Variants in SH3BGRL observed in about 807,000 individuals in gnomAD.
SH3BGRL encodes adapter SH3BGRL.
Under a neutral mutation model 9.8 loss-of-function variants are expected in SH3BGRL, and 7 were observed. The ratio of observed to expected loss-of-function variants is 0.72; its 90% CI spans 0.41 to 1.35. The LOEUF (loss-of-function observed/expected upper bound fraction) is 1.35. Ranked by LOEUF, SH3BGRL falls within the 40% of genes most tolerant of loss-of-function variation. The pLI is 0.01. For synonymous variants in SH3BGRL, 36 were observed against 29.1 expected, an observed-to-expected ratio of 1.24 and a Z score of -0.76; for missense variants, 73 against 84.4, an observed-to-expected ratio of 0.86 and a Z score of 0.53.
rs868419257 is a variant in SH3BGRL at position 81,213,609 on chromosome X, A to T, written c.45+11364A>T. Among the ~76,000 whole-genome samples the T allele has an allele frequency of 2.5e-3, 275 of 110,787 alleles. 1 individual carries two copies. The highest frequency in any genetic ancestry group is 8.6e-3 in the African/African-American group (261 of 30,487). On this transcript the variant is annotated intron_variant, in intron 1 of 3. Transcript: ENST00000373212. ...GTATATTGTTACAGTTTTTTTTTTAACTTTCCTCCTCATTTATTAATGGAC... is the reference window on the plus strand; with the variant it reads ...GTATATTGTTACAGTTTTTTTTTTATCTTTCCTCCTCATTTATTAATGGAC...
intron 3 of SH3BGRL, among the ~76,000 whole-genome samples, chrX:81,296,748 T>G (rs1291722975): frequency 8.9e-6 from 1 of 111,922 alleles, no homozygotes; most frequent in African/African-American, 3.2e-5. Flanking sequence ...ACCTGATTTT[T>G]TGGTGTGTAT....
chrX:81,221,571 C>T (rs1418988920), intron 1 of SH3BGRL, among the ~76,000 whole-genome samples: 1 of 111,786 alleles, frequency 8.9e-6, no homozygotes, highest in Non-Finnish European at 1.9e-5. Context: ...TTGTAACAAT[C>T]CCTACTGCAA....
intron 1 of SH3BGRL, among the ~76,000 whole-genome samples, chrX:81,225,428 A>G (rs1256223986): frequency 9.0e-6 from 1 of 110,761 alleles, no homozygotes; most frequent in African/African-American, 3.3e-5. Flanking sequence ...CACCTTTAAT[A>G]GTCTCCATTG....
chrX:81,292,804 C>T (rs1187270604), intron 3 of SH3BGRL, among the ~76,000 whole-genome samples: 1 of 111,689 alleles, frequency 9.0e-6, no homozygotes, highest in Admixed American at 9.5e-5. Flanking sequence ...ATTTCTTCCA[C>T]CAGAGACCCT....
At chrX:81,203,044 CT>C (rs1300707809) in intron 1 of SH3BGRL, among the ~76,000 whole-genome samples, 1 of 111,899 alleles carries the variant, frequency 8.9e-6, no homozygotes, top group Non-Finnish European at 1.9e-5. Context: ...AGGACTTTCT[CT>C]TTCATGGATT....
intron 3 of SH3BGRL, among the ~76,000 whole-genome samples, chrX:81,285,273 A>G (rs1229669279): frequency 1.8e-5 from 2 of 111,922 alleles, no homozygotes; most frequent in Non-Finnish European, 3.8e-5. Context: ...TAAAAGTTAT[A>G]TGATAAAATG....
intron 1 of SH3BGRL, among the ~76,000 whole-genome samples, chrX:81,208,117 C>T (rs949980777): frequency 3.6e-5 from 4 of 110,557 alleles, no homozygotes; most frequent in South Asian, 3.9e-4. Context: ...AAAAAAATAG[C>T]CGGGCGTGGT....
chrX:81,294,788 G>A (rs1031605838), intron 3 of SH3BGRL, among the ~76,000 whole-genome samples: 3 of 112,006 alleles, frequency 2.7e-5, no homozygotes, highest in Non-Finnish European at 3.8e-5. Flanking sequence ...AGGTCTGGGA[G>A]GGAGGCTGTA....
chrX:81,253,474 C>T (rs1486281951), intron 1 of SH3BGRL, among the ~76,000 whole-genome samples: 1 of 111,640 alleles, frequency 9.0e-6, no homozygotes, highest in African/African-American at 3.3e-5. Context: ...TCACCTTGGC[C>T]TCTCAAAGTG....
At chrX:81,281,687 C>T (rs769474608) in intron 3 of SH3BGRL, among the ~76,000 whole-genome samples, 1 of 112,012 alleles carries the variant, frequency 8.9e-6, no homozygotes, top group Admixed American at 9.5e-5. Context: ...CCTGGAAACA[C>T]ATCAAAACAG....
chrX:81,226,305 A>G (rs1384347088), intron 1 of SH3BGRL, among the ~76,000 whole-genome samples: 1 of 109,792 alleles, frequency 9.1e-6, no homozygotes, highest in Non-Finnish European at 1.9e-5. Context: ...TTTTCTGAAA[A>G]CAGCTTTTGA....
At position 81,288,669 on chromosome X, in the gene SH3BGRL, AG is replaced by A. The variant is rs1195310000; in HGVS notation, c.313-8525del. Among the ~76,000 whole-genome samples, 6 of 112,076 alleles carry A rather than the reference AG, an allele frequency of 5.4e-5. No homozygotes were observed. In the Admixed American group the frequency reaches 5.7e-4, roughly 11 times the overall value. The stretch of plus-strand genomic sequence containing the variant: ...AAATAATATGAAAAATAATATAAGA[AG>A]TAATTCCATTTACAATAGCCACAAA... On this transcript the variant is annotated intron_variant, in intron 3 of 3. Coordinates refer to ENST00000373212, the MANE Select transcript of SH3BGRL (RefSeq NM_003022.3).
intron 1 of SH3BGRL, among the ~76,000 whole-genome samples, chrX:81,244,961 C>T (rs1452649161): frequency 8.9e-6 from 1 of 111,843 alleles, no homozygotes; most frequent in Non-Finnish European, 1.9e-5. Context: ...GCATTTTTGC[C>T]TACTTCATTT....
At chrX:81,252,080 T>A (rs1437308845) in intron 1 of SH3BGRL, among the ~76,000 whole-genome samples, 1 of 112,174 alleles carries the variant, frequency 8.9e-6, no homozygotes, top group Non-Finnish European at 1.9e-5. Context: ...GTTGCAGTAT[T>A]CTATGATGAA....
At chrX:81,273,432 G>A (rs778293993) in intron 1 of SH3BGRL, among the ~76,000 whole-genome samples, 1 of 111,923 alleles carries the variant, frequency 8.9e-6, no homozygotes, top group Non-Finnish European at 1.9e-5. Context: ...AAGGGATCAC[G>A]CCTATTTATC....
At chrX:81,248,461 T>C (rs1182932456) in intron 1 of SH3BGRL, among the ~76,000 whole-genome samples, 1 of 112,167 alleles carries the variant, frequency 8.9e-6, no homozygotes, top group Non-Finnish European at 1.9e-5. Context: ...TGGTGGCAAG[T>C]CTCATTGTCC....
intron 1 of SH3BGRL, among the ~76,000 whole-genome samples, chrX:81,270,831 C>G (rs777627982): frequency 1.8e-5 from 2 of 112,324 alleles, no homozygotes; most frequent in African/African-American, 6.5e-5. Context: ...ACCCTGCCCC[C>G]ACAGGTGGAG....
chrX:81,239,560 T>C (rs970452648), intron 1 of SH3BGRL, among the ~76,000 whole-genome samples: 26 of 111,418 alleles, frequency 2.3e-4, no homozygotes, highest in Non-Finnish European at 4.5e-4. Flanking sequence ...CTAAAAGTTA[T>C]GGGCCTTAGA....
chrX:81,272,233 G>C (rs950604223), intron 1 of SH3BGRL, among the ~76,000 whole-genome samples: 3 of 108,668 alleles, frequency 2.8e-5, no homozygotes, highest in Non-Finnish European at 5.7e-5. Context: ...AGTTTAGTAG[G>C]TCGTGGCAGT....
Sources: allele counts gnomAD v4.1 joint callset (sites outside exome capture counted in the v4.1 genomes callset), GRCh38; gene constraint gnomAD v4.1.1; transcripts MANE v1.5; gene names NCBI Gene and HGNC (gene_info 2026-07-23, HGNC 2026-07-21).